ZNF84: variants seen among roughly 807,000 people sequenced by gnomAD.
ZNF84 encodes the protein zinc finger protein HPF2.
A neutral mutation model predicts 14.8 loss-of-function variants in ZNF84; 12 were observed. The ratio of observed to expected loss-of-function variants is 0.81; its 90% confidence interval spans 0.52 to 1.31. ZNF84 has a LOEUF of 1.31. Ranked by LOEUF, ZNF84 falls within the 50% of genes most tolerant of loss-of-function variation. The pLI, the probability that ZNF84 is intolerant of heterozygous loss-of-function variation, is 0.00. For synonymous variants in ZNF84, 347 were observed against 291.1 expected (o/e 1.19, Z -1.96); for missense variants, 859 against 878.6 (o/e 0.98, Z 0.28).
In ZNF84 at chr12:133,058,281, A is replaced by C; in HGVS notation, c.1566A>C (p.Lys522Asn). 1 of 1,613,976 alleles carries C rather than the reference A, an allele frequency of 6.2e-7. No individual in the cohort carries two copies. The highest frequency in any genetic ancestry group is 8.5e-7 in the Non-Finnish European group (1 of 1,179,988). The stretch of plus-strand genomic sequence containing the variant: ...CATATGTATGCAGTGAATGTGGGAA[A>C]GCCTTTTGTCAGAAGTCACATCTCA... ...EKPYVCSECG[K>N]AFCQKSHLIS... The change falls in exon 5 of 5, where the codon AAA (lysine) becomes AAC (asparagine). Residue 522 changes from lysine to asparagine, a missense_variant. Lys to Asn is a moderately conservative substitution (Grantham distance 94, BLOSUM62 0). Transcript: ENST00000539354.
rs1211758992 is a variant in ZNF84 at position 133,063,036 on chromosome 12, G to A, written c.*4104G>A. ...AAAGCTAGTACTATCTTTTTTGTCT[G>A]TGTAATTTTTGCATCACAAGCTATA... On this transcript the variant is annotated 3_prime_UTR_variant, in exon 5 of 5. Coordinates refer to ENST00000539354, the MANE Select transcript of ZNF84 (RefSeq NM_001289971.2). 2 of 691,610 alleles carry A rather than the reference G, an allele frequency of 2.9e-6. No individual in the cohort carries two copies. Among genetic ancestry groups the A allele is most frequent in the African/African-American group, 1.8e-5 (1 of 56,672 alleles). The allele number at this position is 691,610 out of a possible 1,614,324, so 42.8% of individuals were successfully genotyped here.
chr12:133,058,099 A>G lies in ZNF84; in HGVS notation c.1384A>G (p.Ser462Gly). The G allele has an allele frequency of 1.9e-6, 3 of 1,614,046 alleles. No individual in the cohort carries two copies. The highest frequency in any genetic ancestry group is 2.2e-5 in the East Asian group (1 of 44,876). ...CACAGGAGAAAAACCCTTTATATGC[A>G]GTAAATGTGGGAAAGCCTTCAGCAG... Reference protein sequence around the residue: ...THTGEKPFICSKCGKAFSRKS... With the variant: ...THTGEKPFICGKCGKAFSRKS... Residue 462 changes from serine to glycine, a missense_variant, in exon 5 of 5, where the codon AGT (serine) becomes GGT (glycine). Transcript: ENST00000539354.
rs1032350692 is a variant in ZNF84, at chr12:133,057,741, C to T, written c.1026C>T (p.Thr342=). ...TCATTAACCATCAGAGAATTCATAC[C>T]GGTGAGAAGCCTTTTGAATGCAGGG... ...SNLINHQRIH[T]GEKPFECREC... Residue 342 remains threonine, a synonymous_variant, in exon 5 of 5, where the codon ACC becomes ACT. Coordinates refer to ENST00000539354, the MANE Select transcript of ZNF84 (RefSeq NM_001289971.2). 4.7e-5 allele frequency: 76 copies of T among 1,613,498 alleles called. No homozygotes were observed. Among genetic ancestry groups the T allele is most frequent in the African/African-American group, 1.3e-4 (10 of 74,800 alleles).
At chr12:133,041,680 A>G (rs1190995256) in intron 2 of ZNF84, among the ~76,000 whole-genome samples, 198 bp downstream of exon 2, 1 of 152,262 alleles carries the variant, frequency 6.6e-6, no homozygotes, top group Admixed American at 6.5e-5. Flanking sequence ...TATTTATAGC[A>G]TATTTAAAGC....
At position 133,059,210 on chromosome 12, in the gene ZNF84, A is replaced by G; in HGVS notation, c.*278A>G. The G allele has an allele frequency of 2.4e-6, 1 of 411,398 alleles. No homozygotes were observed. Among genetic ancestry groups the G allele is most frequent in the Non-Finnish European group, 4.3e-6 (1 of 232,946 alleles). The allele number at this position is 411,398 out of a possible 1,614,324, so 25.5% of individuals were successfully genotyped here. On this transcript the variant is annotated 3_prime_UTR_variant, in exon 5 of 5. Transcript: ENST00000539354. ...CTGTGAATGTCCAAAAGCCTTCCAG[A>G]AGTCAAGTCTCTTAAGCTATTAGAA...
intron 2 of ZNF84, among the ~76,000 whole-genome samples, chr12:133,047,326 A>T (rs1953999944): frequency 6.6e-6 from 1 of 152,096 alleles, no homozygotes; most frequent in African/African-American, 2.4e-5. Flanking sequence ...GCCTGATAAA[A>T]ATTATCACAA....
At position 133,061,098 on chromosome 12, in the gene ZNF84, A is replaced by G. The variant is rs1954255892; in HGVS notation, c.*2166A>G. On this transcript the variant is annotated 3_prime_UTR_variant, in exon 5 of 5. Transcript: ENST00000539354. ...TTCTAAACCAGAATACCAGTTCAAC[A>G]GCCAAATAATTCTGTCTTTCCATGC... The G allele has an allele frequency of 1.3e-5, 2 of 152,226 alleles. No homozygotes were observed. 9.4% of individuals were successfully genotyped at this position (152,226 alleles called of 1,614,324 possible).
At chr12:133,040,277 T>C (rs1356148562) in intron 1 of ZNF84, among the ~76,000 whole-genome samples, 1 of 152,094 alleles carries the variant, frequency 6.6e-6, no homozygotes, top group African/African-American at 2.4e-5. Context: ...AAAAGAATGC[T>C]GAAGCCAGGT....
chr12:133,054,601 G>A (rs1035995495), intron 4 of ZNF84, among the ~76,000 whole-genome samples: 1 of 141,586 alleles, frequency 7.1e-6, no homozygotes, highest in African/African-American at 2.6e-5. Context: ...TTTTGAAAAT[G>A]TGTTGCATTA....
chr12:133,055,423 A>G (rs7956681), intron 4 of ZNF84, among the ~76,000 whole-genome samples: 17,278 of 152,132 alleles, frequency 0.11, 1,303 homozygotes, highest in Non-Finnish European at 0.17. Context: ...AAAAACATCA[A>G]TTTCTCACAA....
chr12:133,061,054 T>C lies in ZNF84; in HGVS notation c.*2122T>C, dbSNP rs1248364120. ...TGCAACATTTTGGGAAAGTTGGAATTTTAAATAAATGAATAATTTTCTAAA... is the reference window on the plus strand; with the variant it reads ...TGCAACATTTTGGGAAAGTTGGAATCTTAAATAAATGAATAATTTTCTAAA... On this transcript the variant is annotated 3_prime_UTR_variant, in exon 5 of 5. Coordinates refer to ENST00000539354, the MANE Select transcript of ZNF84 (RefSeq NM_001289971.2). 2 of 152,198 alleles carry C rather than the reference T, an allele frequency of 1.3e-5. No individual in the cohort carries two copies. Among genetic ancestry groups the C allele is most frequent in the Non-Finnish European group, 2.9e-5 (2 of 68,030 alleles). 9.4% of individuals were successfully genotyped at this position (152,198 alleles called of 1,614,324 possible). A position where few individuals can be genotyped will look rare whatever the true frequency, so the allele number is the denominator to read the frequency against.
At position 133,059,967 on chromosome 12, in the gene ZNF84, A is replaced by G. The variant is rs2137433024; in HGVS notation, c.*1035A>G. On this transcript the variant is annotated 3_prime_UTR_variant, in exon 5 of 5. Coordinates refer to ENST00000539354, the MANE Select transcript of ZNF84 (RefSeq NM_001289971.2). ...GAGTAACAGTTTATATAAAATAAAT[A>G]TGCAAAGGCAGGAACCACAGAATAA... is the stretch of plus-strand genomic sequence containing the variant. The G allele has an allele frequency of 6.6e-6, 1 of 152,358 alleles. No individual in the cohort carries two copies. Among genetic ancestry groups the G allele is most frequent in the Non-Finnish European group, 1.5e-5 (1 of 68,024 alleles). 9.4% of individuals were successfully genotyped at this position (152,358 alleles called of 1,614,324 possible).
In ZNF84 at chr12:133,047,937, A is replaced by G; in HGVS notation, c.16-18A>G. 6.2e-7 allele frequency: 1 copy of G among 1,613,252 alleles called. No individual in the cohort carries two copies. The highest frequency in any genetic ancestry group is 1.1e-5 in the South Asian group (1 of 90,990). On this transcript the variant is annotated intron_variant, in intron 2 of 4. Transcript: ENST00000539354. ...CGGTGTTAACTGCTTCAGATTTACC[A>G]GGATTGTGCTCTTACAGGAGTCATT... is the stretch of plus-strand genomic sequence containing the variant.
chr12:133,052,391 G>A (rs899728312), intron 4 of ZNF84, among the ~76,000 whole-genome samples: 6 of 152,060 alleles, frequency 3.9e-5, no homozygotes, highest in African/African-American at 1.4e-4. Flanking sequence ...ACCCCACCTG[G>A]AGTGCAATGG....
chr12:133,050,404 T>A (rs1247431779), intron 4 of ZNF84: 2 of 398,144 alleles, frequency 5.0e-6, no homozygotes, highest in Non-Finnish European at 8.9e-6. Flanking sequence ...ACCAATCTTA[T>A]GCTTTCAGCT....
intron 4 of ZNF84, among the ~76,000 whole-genome samples, chr12:133,054,572 TAGATGAA>T (rs1342002056): frequency 6.6e-6 from 1 of 151,772 alleles, no homozygotes; most frequent in African/African-American, 2.4e-5. Flanking sequence ...CTGAATAGTT[TAGATGAA>T]AGATGATATG....
chr12:133,057,752 C>G lies in ZNF84; in HGVS notation c.1037C>G (p.Pro346Arg). The G allele has an allele frequency of 1.2e-6, 2 of 1,614,090 alleles. No homozygotes were observed. The highest frequency in any genetic ancestry group is 1.7e-6 in the Non-Finnish European group (2 of 1,180,026). ...NHQRIHTGEK[P>R]FECRECGKAF... ...CAGAGAATTCATACCGGTGAGAAGC[C>G]TTTTGAATGCAGGGAATGTGGGAAA... Residue 346 changes from proline (P) to arginine (R), a missense_variant, in exon 5 of 5, where the codon CCT becomes CGT. Pro to Arg is a moderately radical substitution (Grantham distance 103, BLOSUM62 -2). Transcript: ENST00000539354.
intron 3 of ZNF84, chr12:133,048,541 C>T (rs1954022487): frequency 2.7e-6 from 1 of 372,808 alleles, no homozygotes; most frequent in Non-Finnish European, 5.0e-6. Context: ...TAAACCCAGG[C>T]TTACTGGCTC....
At position 133,046,369 on chromosome 12, in the gene ZNF84, T is replaced by G. The variant is rs1326793948; in HGVS notation, c.16-1586T>G. Among the ~76,000 whole-genome samples, 24 of 127,500 alleles carry G rather than the reference T, an allele frequency of 1.9e-4. No individual in the cohort carries two copies. The East Asian group carries it at 3.2e-3, about 17-fold the overall frequency. The allele number at this position is 127,500 out of a possible 152,430, so 83.6% of individuals were successfully genotyped here. A position where few individuals can be genotyped will look rare whatever the true frequency, so the allele number is the denominator to read the frequency against. The stretch of plus-strand genomic sequence containing the variant: ...ACAGTTTTTTTTTTTTTTTTTTTTT[T>G]TTTTTTTTTTTTTTAAATCAGAGCT... On this transcript the variant is annotated intron_variant, in intron 2 of 4. Transcript: ENST00000539354.
Sources: allele counts gnomAD v4.1 joint callset (sites outside exome capture counted in the v4.1 genomes callset), GRCh38; gene constraint gnomAD v4.1.1; transcripts MANE v1.5; gene names NCBI Gene and HGNC (gene_info 2026-07-23, HGNC 2026-07-21).